CSNK2A2: variants seen among roughly 807,000 people sequenced by gnomAD.
CSNK2A2 encodes casein kinase II subunit alpha'.
CSNK2A2 carries 8 observed loss-of-function variants against 54.0 expected under a neutral mutation model. That is an observed-to-expected ratio of 0.15 (90% confidence interval 0.09 to 0.27). The LOEUF (loss-of-function observed/expected upper bound fraction) is 0.27. Ranked by LOEUF, CSNK2A2 falls within the 10% of genes least tolerant of loss-of-function variation. CSNK2A2 has a pLI of 1.00. For missense variants in CSNK2A2, 242 were observed against 439.4 expected (o/e 0.55, Z 4.02); for synonymous variants, 141 against 153.9 (o/e 0.92, Z 0.62).
intron 4 of CSNK2A2, among the ~76,000 whole-genome samples, chr16:58,180,955 C>T (rs905424617): frequency 6.6e-6 from 1 of 152,162 alleles, no homozygotes; most frequent in South Asian, 2.1e-4. Flanking sequence ...TTGTTTGTGG[C>T]CTGCCATACT....
chr16:58,181,060 T>C (rs905962537), intron 4 of CSNK2A2, among the ~76,000 whole-genome samples: 1 of 152,196 alleles, frequency 6.6e-6, no homozygotes, highest in African/African-American at 2.4e-5. Context: ...TAAAATGTCA[T>C]GGCTTGAACA....
chr16:58,165,729 T>C (rs781276146), intron 9 of CSNK2A2, 21 bp from the exon 10 acceptor site: 1 of 1,601,468 alleles, frequency 6.2e-7, no homozygotes, highest in South Asian at 1.1e-5. Flanking sequence ...AAATGAAGCA[T>C]TAGTAACCAG....
intron 10 of CSNK2A2, 24 bp downstream of exon 10, chr16:58,165,536 T>C (rs1230249933): frequency 6.3e-7 from 1 of 1,592,376 alleles, no homozygotes; most frequent in South Asian, 1.1e-5. Context: ...AATTACTCCC[T>C]GAACACAGTC....
chr16:58,171,208 T>C (rs1961726283), intron 5 of CSNK2A2, among the ~76,000 whole-genome samples: 1 of 152,088 alleles, frequency 6.6e-6, no homozygotes, highest in Admixed American at 6.5e-5. Flanking sequence ...TGCTTTTCCC[T>C]GAACCAAGAG....
chr16:58,165,576 C>T lies in CSNK2A2; in HGVS notation c.960G>A (p.Met320Ile), dbSNP rs1961541317. ...HQQRLTAKEA[M>I]EHPYFYPVVK... ...GAGACTCACAGAAGTATGGGTGCTCCATGGCCTCTTTGGCAGTCAGTCTCT... is the reference window on the plus strand; with the variant it reads ...GAGACTCACAGAAGTATGGGTGCTCTATGGCCTCTTTGGCAGTCAGTCTCT... Residue 320 changes from methionine to isoleucine, a missense_variant, in exon 10 of 12, where the codon ATG becomes ATA. By Grantham distance (10) the Met-to-Ile change is conservative (BLOSUM62 1). This residue lies in a region of CSNK2A2 where 81 missense variants were observed against 135.0 expected (regional missense o/e 0.60). Transcript: ENST00000262506. 6.2e-7 allele frequency: 1 copy of T among 1,613,176 alleles called. No individual in the cohort carries two copies.
At chr16:58,165,013 A>T (rs37362) in intron 10 of CSNK2A2, among the ~76,000 whole-genome samples, 67,980 of 151,852 alleles carry the variant, frequency 0.45, 15,796 homozygotes, top group South Asian at 0.55. Flanking sequence ...ACGTTATCAG[A>T]GGAAAGAACC....
intron 6 of CSNK2A2, 53 bp downstream of exon 6, chr16:58,168,557 G>T: frequency 1.3e-6 from 2 of 1,495,628 alleles, no homozygotes; most frequent in South Asian, 2.3e-5. Flanking sequence ...ACAGCTTTTT[G>T]GTCTGCTCTA....
At chr16:58,181,510 T>C (rs1006631429) in intron 4 of CSNK2A2, among the ~76,000 whole-genome samples, 10 of 152,068 alleles carry the variant, frequency 6.6e-5, no homozygotes, top group African/African-American at 2.4e-4. Flanking sequence ...AAAACCATGA[T>C]ATTTCAGAGA....
At chr16:58,168,555 T>C in intron 6 of CSNK2A2, 55 bp downstream of exon 6, 2 of 1,494,592 alleles carry the variant, frequency 1.3e-6, no homozygotes, top group Non-Finnish European at 9.3e-7. Flanking sequence ...GGACAGCTTT[T>C]TGGTCTGCTC....
intron 10 of CSNK2A2, among the ~76,000 whole-genome samples, chr16:58,165,298 C>T (rs1180108674): frequency 6.6e-6 from 1 of 152,174 alleles, no homozygotes; most frequent in African/African-American, 2.4e-5. Flanking sequence ...TAGAAACTTG[C>T]GATCTATTAA....
chr16:58,166,573 CTCT>C lies in CSNK2A2; in HGVS notation c.827+8_827+10del. Reference sequence around the variant, plus strand: ...GTAAGGTAAAGCACTCTCTCTCTCTCTCTTACTTACTGTCCCAGGATATCGTTG... The same window carrying C: ...GTAAGGTAAAGCACTCTCTCTCTCTCTACTTACTGTCCCAGGATATCGTTG... On this transcript the variant is annotated splice_region_variant and intron_variant, in intron 9 of 11. Transcript: ENST00000262506. 2 of 1,572,786 alleles carry C rather than the reference CTCT, an allele frequency of 1.3e-6. No homozygotes were observed. Among genetic ancestry groups the C allele is most frequent in the South Asian group, 1.1e-5 (1 of 90,172 alleles).
At chr16:58,166,718 G>A in intron 8 of CSNK2A2, 34 bp from the exon 9 acceptor site, 1 of 1,459,212 alleles carries the variant, frequency 6.9e-7, no homozygotes, top group African/African-American at 1.4e-5. Flanking sequence ...AAATCACTGA[G>A]CACAGAACAC....
Position 58,167,703 on chromosome 16 carries a change from C to T in CSNK2A2, c.606G>A (p.Glu202=). The change falls in exon 7 of 12, where the codon GAG becomes GAA. Residue 202 remains glutamate (E), a synonymous_variant. Coordinates refer to ENST00000262506, the MANE Select transcript of CSNK2A2 (RefSeq NM_001896.4). ...AGTTTACCTGATAGTCCACGAGGAG[C>T]TCTGGTCCCTTGAAGTACCTTGAGG... ...RVASRYFKGP[E]LLVDYQMYDY... The T allele has an allele frequency of 6.2e-7, 1 of 1,613,766 alleles. No individual in the cohort carries two copies. The highest frequency in any genetic ancestry group is 8.5e-7 in the Non-Finnish European group (1 of 1,179,664).
At chr16:58,193,737 T>C (rs548713600) in intron 2 of CSNK2A2, among the ~76,000 whole-genome samples, 1 of 152,312 alleles carries the variant, frequency 6.6e-6, no homozygotes, top group Non-Finnish European at 1.5e-5. Flanking sequence ...TTTTTCAAAA[T>C]CAAAAGATGA....
At chr16:58,184,236 T>C (rs925326978) in intron 4 of CSNK2A2, 24 bp downstream of exon 4, 1 of 1,587,566 alleles carries the variant, frequency 6.3e-7, no homozygotes, top group Non-Finnish European at 8.6e-7. Flanking sequence ...GTTAACCCCA[T>C]GCCAGAAAGA....
At chr16:58,160,677 CAT>C (rs1291053773) in intron 11 of CSNK2A2, 1 of 152,262 alleles carries the variant, frequency 6.6e-6, no homozygotes, top group Non-Finnish European at 1.5e-5. Flanking sequence ...CATTCCAGAA[CAT>C]AAACTTGGTA....
intron 4 of CSNK2A2, among the ~76,000 whole-genome samples, chr16:58,182,426 A>G (rs1962073551): frequency 7.3e-6 from 1 of 136,788 alleles, no homozygotes; most frequent in South Asian, 2.3e-4. Flanking sequence ...GTGGTGGTGC[A>G]CGCCTGTAGT....
chr16:58,173,740 T>C (rs1052748038), intron 5 of CSNK2A2, among the ~76,000 whole-genome samples: 5 of 152,230 alleles, frequency 3.3e-5, no homozygotes, highest in Middle Eastern at 3.2e-3. Context: ...CCTGTAGGCA[T>C]GTCTCTCTAT....
chr16:58,170,028 A>G (rs1961691905), intron 5 of CSNK2A2, among the ~76,000 whole-genome samples: 1 of 152,166 alleles, frequency 6.6e-6, no homozygotes, highest in African/African-American at 2.4e-5. Flanking sequence ...CCTGGGCAAC[A>G]AAGCGGGTCT....
Sources: gnomAD v4.1 joint callset for allele counts (sites outside exome capture counted in the v4.1 genomes callset) on GRCh38, gnomAD v4.1.1 for gene constraint, gnomAD v4.1.1 regional missense constraint, MANE v1.5 for transcripts, NCBI Gene and HGNC (gene_info 2026-07-23, HGNC 2026-07-21) for gene names.